FLT4: variants seen among roughly 807,000 people sequenced by gnomAD.
The protein encoded by FLT4 is fms related receptor tyrosine kinase 4, also known as vascular endothelial growth factor receptor 3.
In FLT4, 30 loss-of-function variants were observed where a neutral mutation model predicts 163.2. That is an observed-to-expected ratio of 0.18 (90% CI 0.14 to 0.25). The LOEUF is 0.25. Ranked by LOEUF, FLT4 falls within the 10% of genes least tolerant of loss-of-function variation. FLT4 has a pLI of 1.00. For synonymous variants in FLT4, 884 were observed against 789.5 expected (o/e 1.12, Z -2.01); for missense variants, 1,510 against 1,863.8 (o/e 0.81, Z 3.50).
chr5:180,626,818 C>G (rs939219262), intron 8 of FLT4, among the ~76,000 whole-genome samples: 1 of 152,202 alleles, frequency 6.6e-6, no homozygotes, highest in Non-Finnish European at 1.5e-5. Context: ...TGCCCACACC[C>G]CGCCCCCAGG....
intron 1 of FLT4, among the ~76,000 whole-genome samples, chr5:180,647,149 G>A (rs1396582795): frequency 2.0e-5 from 3 of 152,198 alleles, no homozygotes; most frequent in Non-Finnish European, 4.4e-5. Context: ...AGCAGACCCT[G>A]CTCCTGCATG....
At chr5:180,613,755 T>A in intron 24 of FLT4, 1 of 449,526 alleles carries the variant, frequency 2.2e-6, no homozygotes. Flanking sequence ...CTCTTGGAGC[T>A]CTTGGAGTAG....
At chr5:180,631,378 C>A (rs559516533) in intron 2 of FLT4, among the ~76,000 whole-genome samples, 33 of 152,088 alleles carry the variant, frequency 2.2e-4, no homozygotes, top group Non-Finnish European at 3.5e-4. Flanking sequence ...GAGGCTGAGG[C>A]AGGAGAATGG....
chr5:180,644,915 C>T (rs1581718228), intron 1 of FLT4, among the ~76,000 whole-genome samples: 4 of 152,262 alleles, frequency 2.6e-5, no homozygotes, highest in African/African-American at 4.8e-5. Context: ...ATCACCTGCC[C>T]CGGAAGGCCC....
At chr5:180,641,323 T>C (rs1244803536) in intron 1 of FLT4, among the ~76,000 whole-genome samples, 1 of 152,246 alleles carries the variant, frequency 6.6e-6, no homozygotes. Flanking sequence ...GGGATGGCAC[T>C]GGGATTATCC....
chr5:180,629,669 A>T, intron 6 of FLT4, 27 bp downstream of exon 6: 3 of 1,607,386 alleles, frequency 1.9e-6, no homozygotes, highest in Non-Finnish European at 2.5e-6. Flanking sequence ...TGGGGACAGG[A>T]CAGCCTGGCA....
chr5:180,614,962 A>G (rs1236369269), intron 23 of FLT4, among the ~76,000 whole-genome samples: 5 of 151,818 alleles, frequency 3.3e-5, no homozygotes, highest in Non-Finnish European at 5.9e-5. Flanking sequence ...CATTCACAAG[A>G]CACTCCGCCT....
chr5:180,639,374 G>T (rs1427740444), intron 1 of FLT4, among the ~76,000 whole-genome samples: 1 of 89,326 alleles, frequency 1.1e-5, no homozygotes, highest in African/African-American at 3.6e-5. Context: ...TAGATGAGTG[G>T]ATGGGTGGAT....
At chr5:180,611,640 C>A in intron 26 of FLT4, 161 bp from the exon 27 acceptor site, 1 of 774,754 alleles carries the variant, frequency 1.3e-6, no homozygotes, top group South Asian at 1.7e-5. Flanking sequence ...CTGCCCTCAG[C>A]CCTCGCTCTG....
chr5:180,647,324 C>G (rs376888701), intron 1 of FLT4, among the ~76,000 whole-genome samples: 20 of 152,300 alleles, frequency 1.3e-4, no homozygotes, highest in African/African-American at 4.8e-4. Context: ...CACACAACCT[C>G]GGGGCTTGCC....
At chr5:180,604,197 A>G (rs1193945769) in intron 29 of FLT4, among the ~76,000 whole-genome samples, 3 of 152,022 alleles carry the variant, frequency 2.0e-5, no homozygotes, top group Non-Finnish European at 1.5e-5. Flanking sequence ...TGGACCCGAG[A>G]CTGTGAAGAA....
intron 2 of FLT4, 68 bp downstream of exon 2, chr5:180,631,614 C>T: frequency 7.6e-7 from 1 of 1,315,872 alleles, no homozygotes; most frequent in Non-Finnish European, 1.1e-6. Context: ...TCTGGGCCCA[C>T]AGCCACCACC....
In FLT4 at chr5:180,636,197, T is replaced by C. The variant is rs915212744; in HGVS notation, c.59-4419A>G. On this transcript the variant is annotated intron_variant, in intron 1 of 29. Coordinates refer to ENST00000261937, the MANE Select transcript of FLT4 (RefSeq NM_182925.5). The surrounding 1 kb of genome is among the most constrained non-coding windows in gnomAD (Gnocchi z 4.3). ...TCCACGCAAGCTTTTTCATGACATG[T>C]CTCCTTTTTCATGACATACCATAAC... Among the ~76,000 whole-genome samples, 23 of 152,010 alleles carry C rather than the reference T, an allele frequency of 1.5e-4. No individual in the cohort carries two copies. The highest frequency in any genetic ancestry group is 7.2e-4 in the Admixed American group (11 of 15,256).
At chr5:180,611,048 C>T (rs905354742) in intron 27 of FLT4, among the ~76,000 whole-genome samples, 3 of 152,180 alleles carry the variant, frequency 2.0e-5, no homozygotes, top group Non-Finnish European at 2.9e-5. Flanking sequence ...CAGAGCGAGA[C>T]TCCGTCTCAA....
chr5:180,623,926 G>A lies in FLT4; in HGVS notation c.1548+9C>T, dbSNP rs1763386673. The A allele has an allele frequency of 6.2e-7, 1 of 1,613,422 alleles. No homozygotes were observed. Among genetic ancestry groups the A allele is most frequent in the African/African-American group, 1.3e-5 (1 of 75,032 alleles). Reference sequence around the variant, plus strand: ...TCCCTGGGCACTCAGCAGCGCGGCTGGCCTGTACCTTATTCTTTCCCTCCA... The same window carrying A: ...TCCCTGGGCACTCAGCAGCGCGGCTAGCCTGTACCTTATTCTTTCCCTCCA... On this transcript the variant is annotated intron_variant, in intron 11 of 29. Transcript: ENST00000261937. The surrounding 1 kb of genome is among the most constrained non-coding windows in gnomAD (Gnocchi z 5.8).
At chr5:180,626,470 C>T (rs1194826868) in intron 8 of FLT4, among the ~76,000 whole-genome samples, 1 of 152,196 alleles carries the variant, frequency 6.6e-6, no homozygotes, top group African/African-American at 2.4e-5. Flanking sequence ...ACAACCGTGT[C>T]AGGCGGCCGG....
intron 8 of FLT4, among the ~76,000 whole-genome samples, chr5:180,627,238 C>T (rs927443529): frequency 7.2e-5 from 11 of 152,292 alleles, no homozygotes; most frequent in African/African-American, 2.2e-4. Context: ...GCACAGCCCT[C>T]GGGCAGAGAC....
Position 180,630,632 on chromosome 5 carries a change from C to T in FLT4, c.323G>A (p.Ser108Asn). 6.2e-7 allele frequency: 1 copy of T among 1,613,158 alleles called. No homozygotes were observed. The highest frequency in any genetic ancestry group is 1.7e-5 in the Admixed American group (1 of 60,030). ...GATGTACTTGTAGTAGCAGACGTAG[C>T]TGCCTGTGTCGTTGGCATGTACCTC... is the stretch of plus-strand genomic sequence containing the variant. ...LHEVHANDTG[S>N]YVCYYKYIKA... Residue 108 changes from serine (S) to asparagine (N), a missense_variant, in exon 3 of 30, where the codon AGC becomes AAC. Ser to Asn is a conservative substitution (Grantham distance 46, BLOSUM62 1). Around this residue, in one of 5 missense-constraint regions of FLT4, gnomAD observed 157 missense variants for 178.7 expected, o/e 0.88. Coordinates refer to ENST00000261937, the MANE Select transcript of FLT4 (RefSeq NM_182925.5). This position sits in a 1 kb window ranked among gnomAD's most constrained non-coding sequence, Gnocchi z 6.3.
chr5:180,601,635 G>A lies in FLT4; in HGVS notation c.*1557C>T, dbSNP rs929905953. ...CCCGGTACATGCGTGGGTGGGTAGTGAGGAGAAGGGAGCAGAGGTGCGCGC... is the reference window on the plus strand; with the variant it reads ...CCCGGTACATGCGTGGGTGGGTAGTAAGGAGAAGGGAGCAGAGGTGCGCGC... On this transcript the variant is annotated 3_prime_UTR_variant, in exon 30 of 30. Transcript: ENST00000261937. 4.3e-6 allele frequency: 1 copy of A among 233,182 alleles called. No individual in the cohort carries two copies. Among genetic ancestry groups the A allele is most frequent in the African/African-American group, 2.2e-5 (1 of 45,316 alleles). The allele number at this position is 233,182 out of a possible 1,614,324, so 14.4% of individuals were successfully genotyped here. A position where few individuals can be genotyped will look rare whatever the true frequency, so the allele number is the denominator to read the frequency against.
Sources: allele counts gnomAD v4.1 joint callset (sites outside exome capture counted in the v4.1 genomes callset), GRCh38; gene constraint gnomAD v4.1.1; regional missense constraint gnomAD v4.1.1; non-coding constraint Gnocchi (gnomAD v3.1); transcripts MANE v1.5; gene names NCBI Gene and HGNC (gene_info 2026-07-23, HGNC 2026-07-21).